The following CARS2 variants were observed in gnomAD, a reference collection of about 807,000 sequenced individuals.
The protein encoded by CARS2 is cysteinyl-tRNA synthetase 2, mitochondrial.
In CARS2, 52 loss-of-function variants were observed where a neutral mutation model predicts 68.8. The observed-to-expected ratio is 0.76, with a 90% CI of 0.61 to 0.95. The LOEUF is 0.95. CARS2 is among the 40% of genes least tolerant of loss of function. The pLI is 0.00. For synonymous variants in CARS2, 314 were observed against 303.6 expected (o/e 1.03, Z -0.36); for missense variants, 780 against 754.2 (o/e 1.03, Z -0.40).
rs770282381 is a variant in CARS2 at position 110,687,827 on chromosome 13, C to T, written c.466-1G>A. 3 of 1,603,032 alleles carry T rather than the reference C, an allele frequency of 1.9e-6. No individual in the cohort carries two copies. In the South Asian group the frequency reaches 3.3e-5, roughly 18 times the overall value. ...TCAGGTACACCGTGGGTGGGAGAAC[C>T]TGCAAGGAAGTGGAGACGTGACCGT... On this transcript the variant is annotated splice_acceptor_variant, in intron 4 of 14. Coordinates refer to ENST00000257347, the MANE Select transcript of CARS2 (RefSeq NM_024537.4). LOFTEE classifies it high-confidence loss of function.
At chr13:110,675,151 G>C (rs1054356737) in intron 7 of CARS2, among the ~76,000 whole-genome samples, 5 of 151,902 alleles carry the variant, frequency 3.3e-5, no homozygotes, top group African/African-American at 1.2e-4. Flanking sequence ...ACAGTGTGGC[G>C]ATTCCTCAGG....
intron 5 of CARS2, 100 bp downstream of exon 5, chr13:110,687,621 G>A (rs1345905329): frequency 4.2e-6 from 3 of 706,880 alleles, no homozygotes; most frequent in East Asian, 5.2e-5. Flanking sequence ...AGAGGTTGCA[G>A]TGAGCTGAGA....
At position 110,651,165 on chromosome 13, in the gene CARS2, A is replaced by G. The variant is rs2062201660; in HGVS notation, c.988-65T>C. The G allele has an allele frequency of 1.1e-5, 12 of 1,116,814 alleles. No individual in the cohort carries two copies. In the East Asian group the frequency reaches 3.0e-4, roughly 28 times the overall value. The allele number at this position is 1,116,814 out of a possible 1,614,324, so 69.2% of individuals were successfully genotyped here. ...TTACGCTTCGCACTGTTCAGAGAAT[A>G]TGTTACTTTCTACAATTACATAAGT... On this transcript the variant is annotated intron_variant, in intron 9 of 14. Coordinates refer to ENST00000257347, the MANE Select transcript of CARS2 (RefSeq NM_024537.4).
At chr13:110,650,714 G>A (rs964899860) in intron 10 of CARS2, 1 of 309,636 alleles carries the variant, frequency 3.2e-6, no homozygotes. Flanking sequence ...GCCGTGCCAG[G>A]CTGGCCCCTT....
upstream of CARS2, among the ~76,000 whole-genome samples, chr13:110,711,412 C>A (rs1191274363): frequency 6.6e-6 from 1 of 152,188 alleles, no homozygotes; most frequent in Non-Finnish European, 1.5e-5. Context: ...CAGGGTTTCA[C>A]CATGTTGCCC....
intron 7 of CARS2, among the ~76,000 whole-genome samples, chr13:110,675,859 A>T (rs1251189601): frequency 6.6e-6 from 1 of 152,214 alleles, no homozygotes; most frequent in South Asian, 2.1e-4. Context: ...GCACCACGGT[A>T]ACAAACTAAC....
Position 110,665,981 on chromosome 13 carries a change from T to G in CARS2, c.919+1359A>C. The G allele has an allele frequency of 2.0e-6, 2 of 985,356 alleles. No homozygotes were observed. Among genetic ancestry groups the G allele is most frequent in the Non-Finnish European group, 2.4e-6 (2 of 829,910 alleles). The allele number at this position is 985,356 out of a possible 1,614,324, so 61.0% of individuals were successfully genotyped here. On this transcript the variant is annotated intron_variant, in intron 8 of 14. Transcript: ENST00000257347. This position sits in a 1 kb window ranked among gnomAD's most constrained non-coding sequence, Gnocchi z 4.3. ...ACCAAACACTCTTTATCTTTCTTCA[T>G]CTGGGACAAGGGACACGACTACCTC...
intron 1 of CARS2, chr13:110,713,025 G>A (rs941338762): frequency 6.0e-6 from 9 of 1,497,406 alleles, no homozygotes; most frequent in Non-Finnish European, 7.1e-6. Flanking sequence ...GACACCGAGA[G>A]GGTGCCAGTG....
At chr13:110,663,023 T>C (rs900590629) in intron 9 of CARS2, 2 of 458,906 alleles carry the variant, frequency 4.4e-6, no homozygotes, top group African/African-American at 2.0e-5. Context: ...ATTTTTCAGG[T>C]TGGTTAAGGA....
Position 110,690,669 on chromosome 13 carries a change from A to G in CARS2, c.394-2651T>C, listed in dbSNP as rs369128603. On this transcript the variant is annotated intron_variant, in intron 3 of 14. Coordinates refer to ENST00000257347, the MANE Select transcript of CARS2 (RefSeq NM_024537.4). ...GCACAGGTCACTTTGCAGCAGCCCA[A>G]GTGTGCCTGTGAGCTACACTCGTAG... 3.3e-5 allele frequency among the ~76,000 whole-genome samples: 5 copies of G among 152,196 alleles called. No individual in the cohort carries two copies. The East Asian group carries it at 7.7e-4, about 23-fold the overall frequency.
chr13:110,662,728 T>C (rs2062544041), intron 9 of CARS2: 1 of 163,428 alleles, frequency 6.1e-6, no homozygotes. Context: ...AACGGAAAAA[T>C]TCTACTTAAG....
At chr13:110,686,121 A>G (rs754339504) in intron 5 of CARS2, among the ~76,000 whole-genome samples, 20 of 152,110 alleles carry the variant, frequency 1.3e-4, no homozygotes, top group Non-Finnish European at 2.2e-4. Context: ...CAGAGAGGAC[A>G]CGCGAAGCTA....
At chr13:110,685,289 G>A (rs888086741) in intron 5 of CARS2, among the ~76,000 whole-genome samples, 3 of 151,414 alleles carry the variant, frequency 2.0e-5, no homozygotes, top group African/African-American at 7.3e-5. Flanking sequence ...CAGCCTAGGC[G>A]ACAGAGCAAG....
At chr13:110,663,404 C>T in intron 9 of CARS2, 47 bp downstream of exon 9, 1 of 1,577,924 alleles carries the variant, frequency 6.3e-7, no homozygotes, top group Non-Finnish European at 8.6e-7. Flanking sequence ...AAGATGGGTT[C>T]CACAAGCTAT....
At chr13:110,688,091 C>T in intron 3 of CARS2, 73 bp from the exon 4 acceptor site, 1 of 1,015,336 alleles carries the variant, frequency 9.8e-7, no homozygotes. Context: ...CACAAGAAAG[C>T]CCACGTGCAC....
At chr13:110,657,515 C>T (rs1036999623) in intron 9 of CARS2, among the ~76,000 whole-genome samples, 6 of 152,170 alleles carry the variant, frequency 3.9e-5, no homozygotes, top group African/African-American at 1.4e-4. Flanking sequence ...TGGCTAAATC[C>T]GGGATGATTT....
rs747129497 is a variant in CARS2 at position 110,705,575 on chromosome 13, G to A, written c.225-4C>T. On this transcript the variant is annotated splice_region_variant and splice_polypyrimidine_tract_variant and intron_variant, in intron 1 of 14. Transcript: ENST00000257347. This position sits in a 1 kb window ranked among gnomAD's most constrained non-coding sequence, Gnocchi z 4.0. ...TACAGTTGGTCCACAGCTATACCTG[G>A]AAACAAAGTTAAAATCCATCGTGTG... 1.2e-6 allele frequency: 2 copies of A among 1,612,168 alleles called. No homozygotes were observed. Among genetic ancestry groups the A allele is most frequent in the Non-Finnish European group, 1.7e-6 (2 of 1,178,184 alleles).
chr13:110,682,162 A>C (rs927933682), intron 6 of CARS2, among the ~76,000 whole-genome samples: 4 of 152,150 alleles, frequency 2.6e-5, no homozygotes, highest in African/African-American at 9.7e-5. Context: ...TCTGTACCTT[A>C]CTCTCAAATT....
In CARS2 at chr13:110,706,105, G is replaced by T; in HGVS notation, c.-12C>A. On this transcript the variant is annotated 5_prime_UTR_variant, in exon 1 of 15. In the 5' UTR this introduces an upstream ATG that the reference lacks. Coordinates refer to ENST00000257347, the MANE Select transcript of CARS2 (RefSeq NM_024537.4). ...GTAGTCCTCAACATGTCAGCGGCCA[G>T]CGCCTACGACTGGGCGGAGACGGGA... The T allele has an allele frequency of 7.7e-7, 1 of 1,303,904 alleles. No homozygotes were observed. The highest frequency in any genetic ancestry group is 1.6e-5 in the African/African-American group (1 of 64,454). 80.8% of individuals were successfully genotyped at this position (1,303,904 alleles called of 1,614,324 possible).
Sources: gnomAD v4.1 joint callset for allele counts (sites outside exome capture counted in the v4.1 genomes callset) on GRCh38, gnomAD v4.1.1 for gene constraint, Gnocchi (gnomAD v3.1) non-coding constraint, MANE v1.5 for transcripts, NCBI Gene and HGNC (gene_info 2026-07-23, HGNC 2026-07-21) for gene names.